The following XKR7 variants were observed in gnomAD, a reference collection of about 807,000 sequenced individuals.
XKR7 encodes XK-related protein 7.
In XKR7, 11 loss-of-function variants were observed where a neutral mutation model predicts 42.2. That is an observed-to-expected ratio of 0.26 (90% CI 0.16 to 0.43). XKR7 has a LOEUF of 0.43. Ranked by LOEUF, XKR7 falls within the 20% of genes least tolerant of loss-of-function variation. The pLI, the probability that XKR7 is intolerant of heterozygous loss-of-function variation, is 1.00. For missense variants in XKR7, 710 were observed against 802.2 expected (o/e 0.89, Z 1.39); for synonymous variants, 346 against 366.4 (o/e 0.94, Z 0.64).
At chr20:31,972,437 C>T (rs918616507) in intron 1 of XKR7, among the ~76,000 whole-genome samples, 7 of 152,170 alleles carry the variant, frequency 4.6e-5, no homozygotes, top group East Asian at 1.9e-4. Context: ...GATCCTCTGG[C>T]GGGGCACGAA....
chr20:31,982,221 A>C (rs2064516553), intron 1 of XKR7, among the ~76,000 whole-genome samples: 1 of 152,154 alleles, frequency 6.6e-6, no homozygotes, highest in Non-Finnish European at 1.5e-5. Flanking sequence ...CATAGAAGGT[A>C]CTCAAAAGTG....
chr20:31,997,427 G>A lies in XKR7; in HGVS notation c.1710G>A (p.Gln570=), dbSNP rs765965990. 13 of 1,598,480 alleles carry A rather than the reference G, an allele frequency of 8.1e-6. No individual in the cohort carries two copies. The highest frequency in any genetic ancestry group is 1.1e-5 in the Non-Finnish European group (13 of 1,179,462). ...AGTACCGGAGTGTGGGGACTTCCCAGGAGCTGCTGGAGTATGAGACCACAG... is the reference window on the plus strand; with the variant it reads ...AGTACCGGAGTGTGGGGACTTCCCAAGAGCTGCTGGAGTATGAGACCACAG... ...RLQYRSVGTS[Q]ELLEYETTV The change falls in exon 3 of 3, where the codon CAG becomes CAA. Residue 570 remains glutamine (Q), a synonymous_variant. Transcript: ENST00000562532.
At position 31,997,376 on chromosome 20, in the gene XKR7, C is replaced by T; in HGVS notation, c.1659C>T (p.Tyr553=). The T allele has an allele frequency of 6.2e-7, 1 of 1,601,662 alleles. No individual in the cohort carries two copies. Among genetic ancestry groups the T allele is most frequent in the Non-Finnish European group, 8.5e-7 (1 of 1,179,938 alleles). The change falls in exon 3 of 3, where the codon TAC becomes TAT. Residue 553 remains tyrosine (Y), a synonymous_variant. Transcript: ENST00000562532. ...RLRKTILALE[Y]SSPATPRLQY... is the part of the protein sequence containing the mutation. ...GGAAGACCATCCTGGCACTGGAGTA[C>T]TCCTCACCTGCCACGCCCCGGTTGC... is the stretch of plus-strand genomic sequence containing the variant.
rs148320144 is a variant in XKR7 at position 31,971,951 on chromosome 20, C to T, written c.584+3192C>T. Among the ~76,000 whole-genome samples the T allele has an allele frequency of 2.2e-4, 33 of 152,170 alleles. No homozygotes were observed. The East Asian group carries it at 3.7e-3, about 17-fold the overall frequency. The stretch of plus-strand genomic sequence containing the variant: ...GAGAAATGGGAAATTGGGATTTTTC[C>T]GTGAACTCTCCAAAATTTAACTACT... On this transcript the variant is annotated intron_variant, in intron 1 of 2. Coordinates refer to ENST00000562532, the MANE Select transcript of XKR7 (RefSeq NM_001011718.2).
rs2122291624 is a variant in XKR7, at chr20:32,002,395, C to T, written c.*4938C>T. On this transcript the variant is annotated 3_prime_UTR_variant, in exon 3 of 3. Coordinates refer to ENST00000562532, the MANE Select transcript of XKR7 (RefSeq NM_001011718.2). ...GACAAAGAGGGGGTACAGAAGGTGC[C>T]AGGGGGGAAAAGGTGATTCCTCCAT... is the stretch of plus-strand genomic sequence containing the variant. 6.6e-6 allele frequency: 1 copy of T among 152,210 alleles called. No homozygotes were observed. Among genetic ancestry groups the T allele is most frequent in the East Asian group, 1.9e-4 (1 of 5,172 alleles). The allele number at this position is 152,210 out of a possible 1,614,324, so 9.4% of individuals were successfully genotyped here.
intron 1 of XKR7, among the ~76,000 whole-genome samples, chr20:31,989,282 C>G (rs538248835): frequency 3.3e-5 from 4 of 119,956 alleles, no homozygotes; most frequent in East Asian, 4.0e-4. Flanking sequence ...GACACCCCCC[C>G]CCCAGCGCAT....
chr20:31,968,847 C>T lies in XKR7; in HGVS notation c.584+88C>T. The T allele has an allele frequency of 3.5e-6, 5 of 1,429,314 alleles. No individual in the cohort carries two copies. Among genetic ancestry groups the T allele is most frequent in the South Asian group, 1.5e-5 (1 of 67,550 alleles). The allele number at this position is 1,429,314 out of a possible 1,614,324, so 88.5% of individuals were successfully genotyped here. On this transcript the variant is annotated intron_variant, in intron 1 of 2. Transcript: ENST00000562532. The surrounding 1 kb of genome is among the most constrained non-coding windows in gnomAD (Gnocchi z 4.5). ...ACGTCCCAGCCCTGATCTGACCTTT[C>T]CGGGCTACCCTCCTGTCCTGACCTC...
At chr20:31,992,216 A>G (rs1464703884) in intron 1 of XKR7, among the ~76,000 whole-genome samples, 4 of 152,206 alleles carry the variant, frequency 2.6e-5, no homozygotes, top group African/African-American at 7.2e-5. Context: ...TTCACTTCCT[A>G]TCTTGTCTCT....
At chr20:31,975,032 C>T (rs950151969) in intron 1 of XKR7, among the ~76,000 whole-genome samples, 1 of 152,206 alleles carries the variant, frequency 6.6e-6, no homozygotes, top group African/African-American at 2.4e-5. Context: ...AAAGACCACA[C>T]AGGAGAAGCT....
intron 1 of XKR7, among the ~76,000 whole-genome samples, chr20:31,986,485 C>CAGAGAGACAA (rs1404261666): frequency 7.5e-6 from 1 of 133,402 alleles, no homozygotes. Flanking sequence ...GACAGACAGA[C>CAGAGAGACAA]CACTAAACAG....
intron 1 of XKR7, among the ~76,000 whole-genome samples, chr20:31,992,571 A>G (rs2064574637): frequency 6.6e-6 from 1 of 152,140 alleles, no homozygotes; most frequent in Non-Finnish European, 1.5e-5. Flanking sequence ...ATGGCACAGG[A>G]GAGTTGGACA....
At chr20:31,994,877 A>C (rs1568891913) in intron 1 of XKR7, among the ~76,000 whole-genome samples, 191 bp from the exon 2 acceptor site, 2 of 152,226 alleles carry the variant, frequency 1.3e-5, no homozygotes, top group Admixed American at 1.3e-4. Context: ...CTCTAAGCTA[A>C]TGAGTCCATT....
At chr20:31,990,860 G>A (rs1207980620) in intron 1 of XKR7, among the ~76,000 whole-genome samples, 1 of 152,024 alleles carries the variant, frequency 6.6e-6, no homozygotes, top group Non-Finnish European at 1.5e-5. Context: ...CGTGCTGGCT[G>A]GAAGGAACAG....
At chr20:31,993,527 C>T (rs1422512965) in intron 1 of XKR7, among the ~76,000 whole-genome samples, 1 of 152,118 alleles carries the variant, frequency 6.6e-6, no homozygotes, top group African/African-American at 2.4e-5. Flanking sequence ...CCTTCTATAC[C>T]CCCTATAGGG....
At chr20:31,981,275 CT>C (rs1438894603) in intron 1 of XKR7, among the ~76,000 whole-genome samples, 1 of 152,000 alleles carries the variant, frequency 6.6e-6, no homozygotes, top group African/African-American at 2.4e-5. Context: ...TGGGATGCCC[CT>C]GAGGCAGAAG....
In XKR7 at chr20:31,968,312, G is replaced by T. The variant is rs757366575; in HGVS notation, c.137G>T (p.Gly46Val). ...AAGPPGVVGA[G>V]GPGPRYELRD... ...GGGCCCCCGGGGGTCGTCGGGGCGG[G>T]CGGCCCGGGGCCGCGCTACGAGCTG... The change falls in exon 1 of 3, where the codon GGC (glycine) becomes GTC (valine). Residue 46 changes from glycine (G) to valine (V), a missense_variant. Physicochemically the swap from Gly to Val is moderately radical, Grantham distance 109. Coordinates refer to ENST00000562532, the MANE Select transcript of XKR7 (RefSeq NM_001011718.2). This position sits in a 1 kb window ranked among gnomAD's most constrained non-coding sequence, Gnocchi z 4.5. 2.3e-6 allele frequency: 3 copies of T among 1,290,306 alleles called. No homozygotes were observed. The Admixed American group carries it at 1.0e-4, about 43-fold the overall frequency. The allele number at this position is 1,290,306 out of a possible 1,614,324, so 79.9% of individuals were successfully genotyped here.
At chr20:31,976,136 G>C (rs2064483615) in intron 1 of XKR7, among the ~76,000 whole-genome samples, 1 of 152,200 alleles carries the variant, frequency 6.6e-6, no homozygotes, top group Non-Finnish European at 1.5e-5. Flanking sequence ...GCACATAGTG[G>C]TGCTCAGTTA....
intron 1 of XKR7, among the ~76,000 whole-genome samples, chr20:31,985,342 G>A (rs188961916): frequency 6.6e-6 from 1 of 152,126 alleles, no homozygotes; most frequent in Non-Finnish European, 1.5e-5. Context: ...GAGTGGGGAG[G>A]GGCGAGAACA....
rs1268762149 is a variant in XKR7, at chr20:31,995,697, C to T, written c.787+427C>T. On this transcript the variant is annotated intron_variant, in intron 2 of 2. Coordinates refer to ENST00000562532, the MANE Select transcript of XKR7 (RefSeq NM_001011718.2). The surrounding 1 kb of genome is among the most constrained non-coding windows in gnomAD (Gnocchi z 4.1). Reference sequence around the variant, plus strand: ...CCTGCCTCATAGACCTGGCCAATCACCATCAGTTTCCAGAGAGCCTACCCC... The same window carrying T: ...CCTGCCTCATAGACCTGGCCAATCATCATCAGTTTCCAGAGAGCCTACCCC... Among the ~76,000 whole-genome samples, 1 of 151,638 alleles carries T rather than the reference C, an allele frequency of 6.6e-6. No homozygotes were observed. The highest frequency in any genetic ancestry group is 1.5e-5 in the Non-Finnish European group (1 of 67,842).
Sources: gnomAD v4.1 joint callset for allele counts (sites outside exome capture counted in the v4.1 genomes callset) on GRCh38, gnomAD v4.1.1 for gene constraint, Gnocchi (gnomAD v3.1) non-coding constraint, MANE v1.5 for transcripts, NCBI Gene and HGNC (gene_info 2026-07-23, HGNC 2026-07-21) for gene names.